The following ODF2L variants were observed in gnomAD, a reference collection of about 807,000 sequenced individuals.
ODF2L encodes the protein outer dense fiber of sperm tails 2 like.
ODF2L carries 76 observed loss-of-function variants against 86.3 expected under a neutral mutation model. The ratio of observed to expected loss-of-function variants is 0.88; its 90% CI spans 0.73 to 1.07. The LOEUF is 1.07. ODF2L is among the 50% of genes least tolerant of loss of function. ODF2L has a pLI of 0.00. For missense variants in ODF2L, 748 were observed against 717.4 expected (o/e 1.04, Z -0.49); for synonymous variants, 241 against 231.3 (o/e 1.04, Z -0.38).
Position 86,394,950 on chromosome 1 carries a change from C to T in ODF2L, c.-60+1083G>A, listed in dbSNP as rs201625305. ...CCGCCTCCTGGGTTCACGCCATTCT[C>T]CTGCCTCAGCCTCCCGAGTAGCTGG... On this transcript the variant is annotated intron_variant, in intron 1 of 17. Coordinates refer to ENST00000317336, the Ensembl canonical transcript of ODF2L. Among the ~76,000 whole-genome samples, 96 of 151,378 alleles carry T rather than the reference C, an allele frequency of 6.3e-4. No homozygotes were observed. The East Asian group carries it at 0.019, about 30-fold the overall frequency.
At chr1:86,365,733 A>G (rs1659359172) in intron 11 of ODF2L, among the ~76,000 whole-genome samples, 1 of 152,232 alleles carries the variant, frequency 6.6e-6, no homozygotes, top group African/African-American at 2.4e-5. Context: ...TGACTGACTA[A>G]TGAATCAGGA....
At chr1:86,354,792 T>C in exon 15 of ODF2L, 1 of 1,602,582 alleles carries the variant, frequency 6.2e-7, no homozygotes, top group Non-Finnish European at 8.5e-7. Flanking sequence ...GTTTTCACAC[T>C]TCAGCTGAAT....
chr1:86,383,794 A>G (rs993271454), intron 4 of ODF2L, among the ~76,000 whole-genome samples: 10 of 151,786 alleles, frequency 6.6e-5, no homozygotes, highest in African/African-American at 2.4e-4. Context: ...CCTTGGATCC[A>G]TAAGTGTTCA....
downstream of ODF2L, chr1:86,348,842 G>T: frequency 6.4e-7 from 1 of 1,557,952 alleles, no homozygotes; most frequent in Non-Finnish European, 8.6e-7. Context: ...AGACTATTTT[G>T]TACTTCTTTC....
At chr1:86,366,169 T>A (rs183644876) in intron 11 of ODF2L, among the ~76,000 whole-genome samples, 8 of 152,124 alleles carry the variant, frequency 5.3e-5, no homozygotes, top group Admixed American at 4.6e-4. Context: ...GTCTTTTTAT[T>A]GTCTCATTTG....
intron 14 of ODF2L, chr1:86,355,163 A>C (rs1658444535): frequency 1.8e-6 from 1 of 541,998 alleles, no homozygotes; most frequent in Non-Finnish European, 3.3e-6. Context: ...TGTTAAGTTG[A>C]AATAGGAAAA....
chr1:86,361,649 ATGTCT>A (rs1659044189), intron 11 of ODF2L, among the ~76,000 whole-genome samples: 2 of 152,354 alleles, frequency 1.3e-5, no homozygotes, highest in South Asian at 4.1e-4. Context: ...GACAAATTTG[ATGTCT>A]TGTCAAATAA....
intron 6 of ODF2L, 72 bp from the exon 7 acceptor site, chr1:86,382,430 T>C: frequency 1.9e-6 from 3 of 1,577,134 alleles, no homozygotes; most frequent in Non-Finnish European, 2.6e-6. Flanking sequence ...ATATCTTTAA[T>C]TTTACCCTGA....
intron 11 of ODF2L, among the ~76,000 whole-genome samples, chr1:86,362,271 AT>A (rs367986336): frequency 0.012 from 1,784 of 145,198 alleles, 10 homozygotes; most frequent in African/African-American, 0.019. Flanking sequence ...ATCTGACTAA[AT>A]TTTTTTTTTT....
At chr1:86,354,204 T>C (rs547783060) in intron 16 of ODF2L, among the ~76,000 whole-genome samples, 1 of 152,244 alleles carries the variant, frequency 6.6e-6, no homozygotes, top group Non-Finnish European at 1.5e-5. Context: ...TACAGCTCAC[T>C]GAATCCTGAT....
chr1:86,356,024 T>C, intron 14 of ODF2L: 1 of 244,322 alleles, frequency 4.1e-6, no homozygotes, highest in Non-Finnish European at 8.2e-6. Flanking sequence ...GTATAAAAAG[T>C]AAAACAGGAA....
At chr1:86,374,068 A>C (rs964751712) in intron 8 of ODF2L, among the ~76,000 whole-genome samples, 4 of 152,322 alleles carry the variant, frequency 2.6e-5, no homozygotes, top group African/African-American at 9.6e-5. Flanking sequence ...AGTAATTACA[A>C]ATCAAAAAGC....
intron 17 of ODF2L, among the ~76,000 whole-genome samples, chr1:86,352,658 T>C (rs531565206): frequency 4.6e-5 from 7 of 152,140 alleles, no homozygotes; most frequent in Admixed American, 3.9e-4. Flanking sequence ...TTGATGGCAA[T>C]GCAATACATG....
At chr1:86,372,508 G>A in exon 9 of ODF2L, 1 of 1,523,228 alleles carries the variant, frequency 6.6e-7, no homozygotes, top group Non-Finnish European at 8.8e-7. Flanking sequence ...TCCAGGCATT[G>A]GAAGCTGAAA....
intron 8 of ODF2L, among the ~76,000 whole-genome samples, chr1:86,375,227 A>C (rs968690610): frequency 2.6e-4 from 39 of 152,302 alleles, no homozygotes; most frequent in African/African-American, 8.9e-4. Context: ...ATGCAACAAC[A>C]AACAAGAAAA....
chr1:86,382,156 C>T, intron 7 of ODF2L, 86 bp downstream of exon 7: 7 of 1,411,208 alleles, frequency 5.0e-6, no homozygotes, highest in Admixed American at 5.8e-5. Context: ...TTAAAACCAC[C>T]AAATTCTAGA....
intron 17 of ODF2L, chr1:86,352,267 T>G: frequency 7.1e-7 from 1 of 1,415,728 alleles, no homozygotes; most frequent in Non-Finnish European, 9.3e-7. Context: ...AGTTATTACG[T>G]AATTTAATCA....
intron 14 of ODF2L, chr1:86,355,196 AT>A: frequency 1.7e-6 from 1 of 600,406 alleles, no homozygotes; most frequent in Non-Finnish European, 3.0e-6. Flanking sequence ...TTAATCTCCT[AT>A]TTTTGGATAC....
intron 7 of ODF2L, among the ~76,000 whole-genome samples, chr1:86,380,142 T>G (rs938582362): frequency 6.6e-6 from 1 of 152,200 alleles, no homozygotes; most frequent in African/African-American, 2.4e-5. Context: ...AAAGCCATTT[T>G]AATTTTTAAA....
Sources: allele counts gnomAD v4.1 joint callset (sites outside exome capture counted in the v4.1 genomes callset), GRCh38; gene constraint gnomAD v4.1.1; transcripts MANE v1.5; gene names NCBI Gene and HGNC (gene_info 2026-07-23, HGNC 2026-07-21).